The following HAVCR1 variants were observed in gnomAD, a reference collection of about 807,000 sequenced individuals.
The protein encoded by HAVCR1 is T cell immunoglobin domain and mucin domain protein 1.
HAVCR1 carries 34 observed loss-of-function variants against 32.0 expected under a neutral mutation model. That is an observed-to-expected ratio of 1.06 (90% CI 0.81 to 1.42). The LOEUF (loss-of-function observed/expected upper bound fraction) is 1.42. Ranked by LOEUF, HAVCR1 falls within the 40% of genes most tolerant of loss-of-function variation. The probability of loss-of-function intolerance (pLI) is 0.00; values close to 1 mark genes in which losing one functional copy is unlikely to be tolerated. For missense variants in HAVCR1, 420 were observed against 442.3 expected, an observed-to-expected ratio of 0.95 and a Z score of 0.45; for synonymous variants, 178 against 170.3, an observed-to-expected ratio of 1.05 and a Z score of -0.35.
At position 157,034,100 on chromosome 5, in the gene HAVCR1, G is replaced by A. The variant is rs117941149; in HGVS notation, c.953-1213C>T. Among the ~76,000 whole-genome samples the A allele has an allele frequency of 2.4e-3, 373 of 152,268 alleles. 3 individuals carry two copies. The highest frequency in any genetic ancestry group is 8.7e-3 in the African/African-American group (362 of 41,562). ...GACACAGAGACAAAGTATAGAGAAA[G>A]AGCAGTGGGCCCAAGGGACCGGCGC... is the stretch of plus-strand genomic sequence containing the variant. On this transcript the variant is annotated intron_variant, in intron 7 of 8. Transcript: ENST00000523175.
At chr5:157,050,837 C>A (rs892718061) in intron 4 of HAVCR1, among the ~76,000 whole-genome samples, 1 of 152,154 alleles carries the variant, frequency 6.6e-6, no homozygotes, top group South Asian at 2.1e-4. Context: ...CTAATTAACA[C>A]CCTCTATTTC....
intron 6 of HAVCR1, among the ~76,000 whole-genome samples, chr5:157,038,023 GA>G (rs369563938): frequency 0.31 from 44,057 of 142,494 alleles, 7,759 homozygotes; most frequent in African/African-American, 0.5. Flanking sequence ...AAGAAAAAAA[GA>G]AAAAAAAATT....
chr5:157,036,088 A>G (rs1337633787), intron 7 of HAVCR1, among the ~76,000 whole-genome samples: 1 of 152,188 alleles, frequency 6.6e-6, no homozygotes, highest in Non-Finnish European at 1.5e-5. Flanking sequence ...CATGCCTGTA[A>G]TCCTAGAACT....
intron 2 of HAVCR1, among the ~76,000 whole-genome samples, chr5:157,055,887 C>T (rs1431499418): frequency 6.6e-6 from 1 of 150,382 alleles, no homozygotes; most frequent in Non-Finnish European, 1.5e-5. Flanking sequence ...AAAAAATTCT[C>T]TTAATTTTTT....
chr5:157,057,254 T>G (rs1189072127), intron 2 of HAVCR1, among the ~76,000 whole-genome samples: 2 of 150,516 alleles, frequency 1.3e-5, no homozygotes, highest in Non-Finnish European at 3.0e-5. Flanking sequence ...AGGCGGAGGC[T>G]GCAGTGAGCC....
Position 157,044,611 on chromosome 5 carries a change from G to GAA in HAVCR1, c.782-1931_782-1930dup, listed in dbSNP as rs1388944605. On this transcript the variant is annotated intron_variant, in intron 5 of 8. Transcript: ENST00000523175. ...GGAAAGAAAGAAAGAAAGAAAGAAAGAAAGAGAAAGAAAGAAAGAAAGAAA... is the reference window on the plus strand; with the variant it reads ...GGAAAGAAAGAAAGAAAGAAAGAAAGAAAAAGAGAAAGAAAGAAAGAAAGAAA... 3.4e-4 allele frequency among the ~76,000 whole-genome samples: 23 copies of GAA among 67,070 alleles called. 2 individuals are homozygous for GAA. Among genetic ancestry groups the GAA allele is most frequent in the African/African-American group, 1.5e-3 (21 of 13,558 alleles). The allele number at this position is 67,070 out of a possible 152,430, so 44.0% of individuals were successfully genotyped here. A position where few individuals can be genotyped will look rare whatever the true frequency, so the allele number is the denominator to read the frequency against.
chr5:157,050,158 T>C (rs1047199572), intron 4 of HAVCR1, among the ~76,000 whole-genome samples: 3 of 152,204 alleles, frequency 2.0e-5, no homozygotes, highest in Non-Finnish European at 4.4e-5. Flanking sequence ...CATCGCTCTT[T>C]CTCCTGTTCT....
At chr5:157,069,353 A>G in the HAVCR1 span, among the ~76,000 whole-genome samples, 1 of 152,170 alleles carries the variant, frequency 6.6e-6, no homozygotes, top group Non-Finnish European at 1.5e-5. Flanking sequence ...AGAGGACCGC[A>G]CTTACCGGTT....
rs116771950 is a variant in HAVCR1, at chr5:157,058,071, C to A, written c.-12-116G>T. On this transcript the variant is annotated intron_variant, in intron 1 of 8. Coordinates refer to ENST00000523175, the MANE Select transcript of HAVCR1 (RefSeq NM_001173393.3). ...CACCCAGTTGGTTGATTCATATGAG[C>A]CTGCTCTGCTGGAAATGAGAGAAGA... The A allele has an allele frequency of 2.5e-3, 1,829 of 732,466 alleles. 37 individuals carry two copies. In the African/African-American group the frequency reaches 0.029, roughly 11 times the overall value. The allele number at this position is 732,466 out of a possible 1,614,324, so 45.4% of individuals were successfully genotyped here.
intron 5 of HAVCR1, 41 bp from the exon 6 acceptor site, chr5:157,042,723 T>A: frequency 8.0e-7 from 1 of 1,249,148 alleles, no homozygotes; most frequent in Non-Finnish European, 1.2e-6. Context: ...TTACAAAAAA[T>A]ATTGAATTTT....
intron 5 of HAVCR1, among the ~76,000 whole-genome samples, chr5:157,048,668 A>G (rs1265514834): frequency 6.6e-6 from 1 of 152,172 alleles, no homozygotes; most frequent in Non-Finnish European, 1.5e-5. Flanking sequence ...GACTCTACTA[A>G]AAATACAAAA....
chr5:157,034,100 G>T lies in HAVCR1; in HGVS notation c.953-1213C>A, dbSNP rs117941149. Among the ~76,000 whole-genome samples, 27 of 152,268 alleles carry T rather than the reference G, an allele frequency of 1.8e-4. No homozygotes were observed. The East Asian group carries it at 5.2e-3, about 30-fold the overall frequency. On this transcript the variant is annotated intron_variant, in intron 7 of 8. Transcript: ENST00000523175. ...GACACAGAGACAAAGTATAGAGAAA[G>T]AGCAGTGGGCCCAAGGGACCGGCGC...
chr5:157,064,121 G>A, the HAVCR1 span, among the ~76,000 whole-genome samples: 1 of 152,178 alleles, frequency 6.6e-6, no homozygotes, highest in Non-Finnish European at 1.5e-5. Context: ...GACCACTGTG[G>A]TTGCTAGATT....
At chr5:157,041,502 T>TA (rs1561586722) in intron 6 of HAVCR1, among the ~76,000 whole-genome samples, 1 of 149,712 alleles carries the variant, frequency 6.7e-6, no homozygotes, top group Non-Finnish European at 1.5e-5. Context: ...TCTCAAAAAA[T>TA]AAAAAAAAGA....
chr5:157,033,919 G>A (rs1488937368), intron 7 of HAVCR1, among the ~76,000 whole-genome samples: 4 of 152,120 alleles, frequency 2.6e-5, no homozygotes, highest in Non-Finnish European at 5.9e-5. Context: ...CGGGTGTGGT[G>A]GCACGAGCCT....
At chr5:157,057,384 GAGGAAAGAAAGAAA>G (rs1315006857) in intron 2 of HAVCR1, among the ~76,000 whole-genome samples, 89 of 121,508 alleles carry the variant, frequency 7.3e-4, no homozygotes, top group African/African-American at 2.4e-3. Context: ...GAGAGAGAGA[GAGGAAAGAAAGAAA>G]GAAAGAAAGA....
chr5:157,035,378 G>C (rs936046270), intron 7 of HAVCR1, among the ~76,000 whole-genome samples: 1 of 152,098 alleles, frequency 6.6e-6, no homozygotes, highest in African/African-American at 2.4e-5. Flanking sequence ...ATCAGTCATG[G>C]CTTCAAATAC....
At chr5:157,066,506 C>CAAA in the HAVCR1 span, among the ~76,000 whole-genome samples, 28 of 130,410 alleles carry the variant, frequency 2.1e-4, no homozygotes, top group South Asian at 5.1e-4. Context: ...CCCCATCTTC[C>CAAA]AAAAAAAAAA....
At chr5:157,040,235 T>G (rs77916113) in intron 6 of HAVCR1, among the ~76,000 whole-genome samples, 1 of 151,472 alleles carries the variant, frequency 6.6e-6, no homozygotes, top group Non-Finnish European at 1.5e-5. Context: ...GAGGCGGAGG[T>G]TGCAGTGAGC....
Sources: gnomAD v4.1 joint callset for allele counts (sites outside exome capture counted in the v4.1 genomes callset) on GRCh38, gnomAD v4.1.1 for gene constraint, MANE v1.5 for transcripts, NCBI Gene and HGNC (gene_info 2026-07-23, HGNC 2026-07-21) for gene names.